WWC1: variants seen among roughly 807,000 people sequenced by gnomAD.
The protein encoded by WWC1 is protein KIBRA.
A neutral mutation model predicts 138.4 loss-of-function variants in WWC1; 55 were observed. That is an observed-to-expected ratio of 0.40 (90% CI 0.32 to 0.50). WWC1 has a LOEUF of 0.50. Ranked by LOEUF, WWC1 falls within the 20% of genes least tolerant of loss-of-function variation. The pLI is 0.72. For synonymous variants in WWC1, 524 were observed against 564.9 expected, an observed-to-expected ratio of 0.93 and a Z score of 1.03; for missense variants, 1,226 against 1,420.4, an observed-to-expected ratio of 0.86 and a Z score of 2.20.
intron 1 of WWC1, among the ~76,000 whole-genome samples, chr5:168,312,485 GGTT>G (rs1771200561): frequency 6.6e-6 from 1 of 152,218 alleles, no homozygotes; most frequent in Non-Finnish European, 1.5e-5. Flanking sequence ...TACTTTGAAG[GGTT>G]GTTGTGAGAA....
chr5:168,467,032 C>T (rs187623877), intron 21 of WWC1, among the ~76,000 whole-genome samples: 3 of 152,138 alleles, frequency 2.0e-5, no homozygotes, highest in African/African-American at 4.8e-5. Context: ...GAGGCCGAGG[C>T]GGGCAGATCA....
intron 1 of WWC1, among the ~76,000 whole-genome samples, chr5:168,327,045 A>T (rs904939953): frequency 1.3e-5 from 2 of 152,086 alleles, no homozygotes; most frequent in Middle Eastern, 3.2e-3. Flanking sequence ...TGCTTTGGTT[A>T]TTGCAACAGT....
At chr5:168,315,415 G>A (rs753470852) in intron 1 of WWC1, among the ~76,000 whole-genome samples, 4 of 151,790 alleles carry the variant, frequency 2.6e-5, no homozygotes, top group East Asian at 2.0e-4. Flanking sequence ...TTGCTTGATC[G>A]TTCCTTTGTG....
At position 168,399,503 on chromosome 5, in the gene WWC1, A is replaced by G. The variant is rs998245324; in HGVS notation, c.526A>G (p.Arg176Gly). The G allele has an allele frequency of 7.4e-6, 12 of 1,614,034 alleles. No homozygotes were observed. Among genetic ancestry groups the G allele is most frequent in the African/African-American group, 6.7e-5 (5 of 74,924 alleles). The change falls in exon 5 of 23, where the codon AGA (arginine) becomes GGA (glycine). Residue 176 changes from arginine (R) to glycine (G), a missense_variant. Arg to Gly is a moderately radical substitution (Grantham distance 125, BLOSUM62 -2). Coordinates refer to ENST00000265293, the MANE Select transcript of WWC1 (RefSeq NM_015238.3). ...TGCCCTCCAGGTCAACAAGCTGAAGAGAGAGATGGTTCACCTCCAGCACGA... is the reference window on the plus strand; with the variant it reads ...TGCCCTCCAGGTCAACAAGCTGAAGGGAGAGATGGTTCACCTCCAGCACGA... Reference protein sequence around the residue: ...TAKSRVNKLKREMVHLQHELQ... With the variant: ...TAKSRVNKLKGEMVHLQHELQ...
At chr5:168,428,613 C>T (rs1781702692) in intron 12 of WWC1, 94 bp from the exon 13 acceptor site, 11 of 1,328,708 alleles carry the variant, frequency 8.3e-6, no homozygotes, top group Non-Finnish European at 1.1e-5. Flanking sequence ...CTGAGCAAAC[C>T]CCAACTTTCC....
intron 3 of WWC1, among the ~76,000 whole-genome samples, chr5:168,386,851 T>C (rs771499617): frequency 6.6e-6 from 1 of 151,996 alleles, no homozygotes. Flanking sequence ...GGTTTCCCGA[T>C]GTTGGCCAGG....
chr5:168,292,322 C>A lies in WWC1; in HGVS notation c.119+51C>A. 6.5e-7 allele frequency: 1 copy of A among 1,537,462 alleles called. No individual in the cohort carries two copies. Among genetic ancestry groups the A allele is most frequent in the Non-Finnish European group, 8.8e-7 (1 of 1,141,188 alleles). On this transcript the variant is annotated intron_variant, in intron 1 of 22. Transcript: ENST00000265293. The surrounding 1 kb of genome is among the most constrained non-coding windows in gnomAD (Gnocchi z 4.4). Reference sequence around the variant, plus strand: ...GCCCCCACACCCCCGCCTGGGCCCCCACCTGCCCCTGGAGCCGCCGGCCGG... The same window carrying A: ...GCCCCCACACCCCCGCCTGGGCCCCAACCTGCCCCTGGAGCCGCCGGCCGG...
chr5:168,460,534 CAGA>C (rs1756715385), intron 19 of WWC1, 113 bp from the exon 20 acceptor site: 4 of 896,306 alleles, frequency 4.5e-6, no homozygotes, highest in Admixed American at 2.4e-5. Context: ...TGGGTGTTTG[CAGA>C]AGGAGAGGAA....
intron 5 of WWC1, among the ~76,000 whole-genome samples, chr5:168,405,860 G>T (rs933991865): frequency 2.0e-5 from 3 of 151,958 alleles, no homozygotes; most frequent in Non-Finnish European, 4.4e-5. Context: ...TCAGGCAGCT[G>T]GAATTACAGG....
intron 19 of WWC1, 114 bp downstream of exon 19, chr5:168,455,634 C>T (rs1251396397): frequency 7.5e-7 from 1 of 1,327,692 alleles, no homozygotes; most frequent in Non-Finnish European, 1.0e-6. Flanking sequence ...GGTATGTTAA[C>T]ACCTCAGAGC....
intron 2 of WWC1, among the ~76,000 whole-genome samples, chr5:168,373,717 CTT>C (rs1361049625): frequency 1.7e-5 from 1 of 57,954 alleles, no homozygotes; most frequent in East Asian, 5.3e-4. Flanking sequence ...GGCCTTGTCT[CTT>C]AAAAAAAAAA....
chr5:168,434,381 C>T (rs1298272997), intron 15 of WWC1, among the ~76,000 whole-genome samples: 1 of 152,072 alleles, frequency 6.6e-6, no homozygotes, highest in Non-Finnish European at 1.5e-5. Context: ...GGCCTGTCCT[C>T]TCCCACGCAG....
chr5:168,372,246 C>T (rs1198711435), intron 2 of WWC1, among the ~76,000 whole-genome samples: 42 of 148,342 alleles, frequency 2.8e-4, no homozygotes, highest in Non-Finnish European at 3.3e-4. Flanking sequence ...GGTGGAGGAA[C>T]CCAGGGAGCA....
Position 168,430,162 on chromosome 5 carries a change from G to A in WWC1, c.2026G>A (p.Ala676Thr), listed in dbSNP as rs1248320609. The change falls in exon 14 of 23, where the codon GCA (alanine) becomes ACA (threonine). Residue 676 changes from alanine (A) to threonine (T), a missense_variant. By Grantham distance (58) the Ala-to-Thr change is moderately conservative (BLOSUM62 0). This residue lies in a region of WWC1 where 1,016 missense variants were observed against 1,153.9 expected (regional missense o/e 0.88). Transcript: ENST00000265293. The stretch of plus-strand genomic sequence containing the variant: ...GTATGATGAGAAGAATAAGCAATTT[G>A]CAATATTAATCATCCAGCTGAGTAA... ...LKYDEKNKQF[A>T]ILIIQLSNLS... is the part of the protein sequence containing the mutation. 1 of 1,614,092 alleles carries A rather than the reference G, an allele frequency of 6.2e-7. No homozygotes were observed. Among genetic ancestry groups the A allele is most frequent in the South Asian group, 1.1e-5 (1 of 91,048 alleles).
intron 1 of WWC1, among the ~76,000 whole-genome samples, chr5:168,356,274 C>G (rs1029478166): frequency 2.0e-5 from 3 of 152,272 alleles, no homozygotes; most frequent in Non-Finnish European, 2.9e-5. Flanking sequence ...GGAATGCACA[C>G]TTCTTGAGTC....
rs1313733379 is a variant in WWC1, at chr5:168,421,931, G to A, written c.1185-77G>A. On this transcript the variant is annotated intron_variant, in intron 9 of 22. Transcript: ENST00000265293. ...TTACGGAAAGTTCTTGTGCCTGTGG[G>A]TCTGGGTGTACATGGGTAAGAGTGC... 1.3e-5 allele frequency: 17 copies of A among 1,260,704 alleles called. No homozygotes were observed. The Admixed American group carries it at 2.3e-4, about 17-fold the overall frequency. The allele number at this position is 1,260,704 out of a possible 1,614,324, so 78.1% of individuals were successfully genotyped here.
At chr5:168,322,761 G>A (rs933460123) in intron 1 of WWC1, among the ~76,000 whole-genome samples, 19 of 152,214 alleles carry the variant, frequency 1.2e-4, no homozygotes, top group Admixed American at 1.2e-3. Context: ...ATTGTCATCA[G>A]GGACCCAGAT....
intron 1 of WWC1, among the ~76,000 whole-genome samples, chr5:168,314,842 A>T (rs923723200): frequency 2.0e-5 from 3 of 152,174 alleles, no homozygotes; most frequent in African/African-American, 7.2e-5. Context: ...GGGTGGCAGG[A>T]GGTGTGGCCA....
chr5:168,420,291 C>T (rs1206389086), intron 9 of WWC1, among the ~76,000 whole-genome samples: 1 of 152,150 alleles, frequency 6.6e-6, no homozygotes, highest in South Asian at 2.1e-4. Flanking sequence ...GAGGTCTCTT[C>T]CCTTGGCTTG....
Sources: allele counts gnomAD v4.1 joint callset (sites outside exome capture counted in the v4.1 genomes callset), GRCh38; gene constraint gnomAD v4.1.1; regional missense constraint gnomAD v4.1.1; non-coding constraint Gnocchi (gnomAD v3.1); transcripts MANE v1.5; gene names NCBI Gene and HGNC (gene_info 2026-07-23, HGNC 2026-07-21).